The following RNF144A variants were observed in gnomAD, a reference collection of about 807,000 sequenced individuals.
RNF144A encodes the protein E3 ubiquitin-protein ligase RNF144A.
A neutral mutation model predicts 38.7 loss-of-function variants in RNF144A; 11 were observed. That is an observed-to-expected ratio of 0.28 (90% CI 0.18 to 0.47). The LOEUF (loss-of-function observed/expected upper bound fraction) is 0.47. RNF144A is among the 20% of genes least tolerant of loss of function. RNF144A has a pLI of 0.99. For missense variants in RNF144A, 316 were observed against 377.2 expected (o/e 0.84, Z 1.34); for synonymous variants, 149 against 143.9 (o/e 1.04, Z -0.25).
chr2:6,981,020 T>G (rs1668596160), intron 2 of RNF144A, among the ~76,000 whole-genome samples: 1 of 152,226 alleles, frequency 6.6e-6, no homozygotes, highest in Admixed American at 6.5e-5. Context: ...TTGGCCTCTT[T>G]TAGCTACAGC....
At chr2:6,934,589 A>G (rs1446113014) in intron 1 of RNF144A, among the ~76,000 whole-genome samples, 1 of 152,130 alleles carries the variant, frequency 6.6e-6, no homozygotes. Context: ...TTCCTCTGGT[A>G]AAATTGTAGT....
At chr2:7,008,091 G>A (rs1033843597) in intron 3 of RNF144A, among the ~76,000 whole-genome samples, 3 of 152,218 alleles carry the variant, frequency 2.0e-5, no homozygotes, top group Admixed American at 1.3e-4. Flanking sequence ...GCCCAGTGGC[G>A]TCCCTAGAGA....
rs574389781 is a variant in RNF144A, at chr2:7,028,244, C to T, written c.658-1882C>T. On this transcript the variant is annotated intron_variant, in intron 7 of 8. Transcript: ENST00000320892. ...CAGGTTACTACCAAAGACCTGGGCA[C>T]GATGAAAGAGGATGTGAACTCATAC... is the stretch of plus-strand genomic sequence containing the variant. Among the ~76,000 whole-genome samples, 58 of 152,228 alleles carry T rather than the reference C, an allele frequency of 3.8e-4. No individual in the cohort carries two copies. The East Asian group carries it at 8.9e-3, about 23-fold the overall frequency.
intron 2 of RNF144A, among the ~76,000 whole-genome samples, chr2:6,956,150 G>A (rs1453916192): frequency 6.6e-6 from 1 of 151,940 alleles, no homozygotes; most frequent in Admixed American, 6.6e-5. Context: ...CAGATTACAT[G>A]TTAAGGGAGT....
intron 2 of RNF144A, among the ~76,000 whole-genome samples, chr2:6,984,969 A>G (rs1668857942): frequency 6.6e-6 from 1 of 152,226 alleles, no homozygotes. Flanking sequence ...TTATCACCCC[A>G]TAGAGTTCAT....
chr2:7,057,461 C>T (rs982658892), intron 6 of RNF144A, among the ~76,000 whole-genome samples: 1 of 152,190 alleles, frequency 6.6e-6, no homozygotes, highest in Non-Finnish European at 1.5e-5. Context: ...GTTAGACAGT[C>T]AGGAGACCTG....
At chr2:7,045,178 G>A (rs551870267), downstream of RNF144A, among the ~76,000 whole-genome samples, 9 of 152,372 alleles carry the variant, frequency 5.9e-5, no homozygotes, top group African/African-American at 1.7e-4. Flanking sequence ...TCCAACTGGC[G>A]TGTCGGGGTT....
rs1664801813 is a variant in RNF144A, at chr2:6,925,497, ATG to A, written c.-212+7879_-212+7880del. On this transcript the variant is annotated intron_variant, in intron 1 of 8. Coordinates refer to ENST00000320892, the MANE Select transcript of RNF144A (RefSeq NM_014746.6). ...CTCTCTTTACTTTCTTCTTGTTATC[ATG>A]TGTAGGGGTGAAAGTGGCCAGATAT... Among the ~76,000 whole-genome samples, 5 of 151,936 alleles carry A rather than the reference ATG, an allele frequency of 3.3e-5. No homozygotes were observed. In the South Asian group the frequency reaches 1.0e-3, roughly 32 times the overall value.
At chr2:6,976,680 A>G (rs1335182954) in intron 2 of RNF144A, among the ~76,000 whole-genome samples, 1 of 149,906 alleles carries the variant, frequency 6.7e-6, no homozygotes, top group Non-Finnish European at 1.5e-5. Flanking sequence ...AACTTTATAT[A>G]TAATATGAAT....
chr2:7,000,979 T>C (rs1301906084), intron 3 of RNF144A, among the ~76,000 whole-genome samples: 3 of 152,108 alleles, frequency 2.0e-5, no homozygotes, highest in Non-Finnish European at 2.9e-5. Flanking sequence ...GATTTTGATA[T>C]ATAACCGTAG....
chr2:6,947,905 A>T (rs1247767215), intron 2 of RNF144A, among the ~76,000 whole-genome samples: 2 of 152,214 alleles, frequency 1.3e-5, no homozygotes, highest in Admixed American at 6.5e-5. Flanking sequence ...TAAGGATCAG[A>T]TGTATTGAAG....
intron 7 of RNF144A, among the ~76,000 whole-genome samples, chr2:7,027,573 G>T (rs1200062282): frequency 6.6e-6 from 1 of 152,216 alleles, no homozygotes; most frequent in Non-Finnish European, 1.5e-5. Flanking sequence ...GCTGTGTCAA[G>T]GCAGAGTTCC....
chr2:6,966,904 C>G (rs571983258), intron 2 of RNF144A, among the ~76,000 whole-genome samples: 2 of 152,160 alleles, frequency 1.3e-5, no homozygotes, highest in African/African-American at 4.8e-5. Context: ...CACTTCCACC[C>G]GGAAGCCCTC....
At chr2:7,045,304 A>G (rs566190675), downstream of RNF144A, among the ~76,000 whole-genome samples, 18 of 152,218 alleles carry the variant, frequency 1.2e-4, no homozygotes, top group Non-Finnish European at 2.5e-4. Flanking sequence ...GGCTGCTGTC[A>G]CAAAGGACCA....
rs76693774 is a variant in RNF144A at position 6,936,996 on chromosome 2, G to T, written c.-211-3952G>T. Among the ~76,000 whole-genome samples the T allele has an allele frequency of 7.8e-3, 1,186 of 152,170 alleles. 11 individuals are homozygous for T. The highest frequency in any genetic ancestry group is 0.027 in the African/African-American group (1,119 of 41,502). On this transcript the variant is annotated intron_variant, in intron 1 of 8. Coordinates refer to ENST00000320892, the MANE Select transcript of RNF144A (RefSeq NM_014746.6). ...TGTGCTGTCTGAGCACATGGTCGGG[G>T]TGCAAGAAAAGGTTGAGTGCGTGAA...
At chr2:6,979,297 T>C (rs528467374) in intron 2 of RNF144A, among the ~76,000 whole-genome samples, 1 of 152,092 alleles carries the variant, frequency 6.6e-6, no homozygotes, top group South Asian at 2.1e-4. Flanking sequence ...TGAGATGAGA[T>C]ATTTTTTTTC....
chr2:7,015,846 C>T (rs1401295410), intron 5 of RNF144A, among the ~76,000 whole-genome samples: 1 of 152,120 alleles, frequency 6.6e-6, no homozygotes, highest in African/African-American at 2.4e-5. Context: ...TTGACCTGAG[C>T]AGGGTCTCAC....
In RNF144A at chr2:6,958,293, C is replaced by T. The variant is rs1667131634; in HGVS notation, c.-12+17146C>T. ...GTGATTGAAGGACACAGTCCAGTAA[C>T]TCAGCAGCCTGCCGTGCCAGAGACA... is the stretch of plus-strand genomic sequence containing the variant. On this transcript the variant is annotated intron_variant, in intron 2 of 8. Coordinates refer to ENST00000320892, the MANE Select transcript of RNF144A (RefSeq NM_014746.6). This position sits in a 1 kb window ranked among gnomAD's most constrained non-coding sequence, Gnocchi z 4.5. Among the ~76,000 whole-genome samples, 1 of 152,240 alleles carries T rather than the reference C, an allele frequency of 6.6e-6. No homozygotes were observed. The highest frequency in any genetic ancestry group is 2.4e-5 in the African/African-American group (1 of 41,454).
intron 2 of RNF144A, among the ~76,000 whole-genome samples, chr2:6,991,093 C>T (rs1191776385): frequency 1.3e-5 from 2 of 152,196 alleles, no homozygotes; most frequent in African/African-American, 4.8e-5. Flanking sequence ...TGAAAGACAG[C>T]TTGGTTGTTT....
Sources: gnomAD v4.1 joint callset for allele counts (sites outside exome capture counted in the v4.1 genomes callset) on GRCh38, gnomAD v4.1.1 for gene constraint, Gnocchi (gnomAD v3.1) non-coding constraint, MANE v1.5 for transcripts, NCBI Gene and HGNC (gene_info 2026-07-23, HGNC 2026-07-21) for gene names.